LLGL2: variants seen among roughly 807,000 people sequenced by gnomAD.
LLGL2 encodes LLGL scribble cell polarity complex component 2.
LLGL2 carries 81 observed loss-of-function variants against 123.2 expected under a neutral mutation model. That is an observed-to-expected ratio of 0.66 (90% CI 0.55 to 0.79). The LOEUF is 0.79. Among genes scored for constraint, LLGL2 ranks in the 30% least tolerant of loss-of-function variants. The pLI, the probability that LLGL2 is intolerant of heterozygous loss-of-function variation, is 0.00. For missense variants in LLGL2, 1,273 were observed against 1,414.6 expected (o/e 0.90, Z 1.61); for synonymous variants, 577 against 594.1 (o/e 0.97, Z 0.42).
chr17:75,557,253 G>C (rs1411892186), intron 3 of LLGL2, among the ~76,000 whole-genome samples: 1 of 152,052 alleles, frequency 6.6e-6, no homozygotes, highest in Non-Finnish European at 1.5e-5. Context: ...TCCACAAGCA[G>C]AGATGGGGTG....
At chr17:75,570,657 TTC>T in intron 16 of LLGL2, 159 bp downstream of exon 16, 2 of 447,364 alleles carry the variant, frequency 4.5e-6, no homozygotes, top group Non-Finnish European at 5.9e-6. Context: ...GTCACGCTGC[TTC>T]TCTCTGCCTC....
Position 75,544,226 on chromosome 17 carries a change from A to T in LLGL2, c.75+725A>T, listed in dbSNP as rs948019427. 1.3e-5 allele frequency among the ~76,000 whole-genome samples: 2 copies of T among 152,130 alleles called. No individual in the cohort carries two copies. The highest frequency in any genetic ancestry group is 4.8e-5 in the African/African-American group (2 of 41,404). ...CAGTGTGGGGCCTTGTGAGGTAATG[A>T]TCTTCTCACCTCTGCTTTGCGCCTC... On this transcript the variant is annotated intron_variant, in intron 2 of 25. Coordinates refer to ENST00000392550, the MANE Select transcript of LLGL2 (RefSeq NM_001031803.2). This position sits in a 1 kb window ranked among gnomAD's most constrained non-coding sequence, Gnocchi z 4.2.
At chr17:75,568,729 G>A (rs370254590) in intron 11 of LLGL2, 36 bp downstream of exon 11, 87 of 1,612,468 alleles carry the variant, frequency 5.4e-5, no homozygotes, top group African/African-American at 6.7e-5. Context: ...CAGCCCCACC[G>A]CAAGCCAAAC....
chr17:75,574,765 A>G, intron 25 of LLGL2, 97 bp downstream of exon 25: 1 of 1,588,342 alleles, frequency 6.3e-7, no homozygotes, highest in South Asian at 1.1e-5. Flanking sequence ...CGGGGCTGAC[A>G]CGTGCCCTGA....
At position 75,549,218 on chromosome 17, in the gene LLGL2, A is replaced by G. The variant is rs1272854259; in HGVS notation, c.75+5717A>G. On this transcript the variant is annotated intron_variant, in intron 2 of 25. Coordinates refer to ENST00000392550, the MANE Select transcript of LLGL2 (RefSeq NM_001031803.2). This position sits in a 1 kb window ranked among gnomAD's most constrained non-coding sequence, Gnocchi z 4.0. ...GACAGACAGACAAGTCAGCTGCAGCACCAGGACAGGGCCACTGAGGACCAA... is the reference window on the plus strand; with the variant it reads ...GACAGACAGACAAGTCAGCTGCAGCGCCAGGACAGGGCCACTGAGGACCAA... 6.6e-6 allele frequency among the ~76,000 whole-genome samples: 1 copy of G among 152,168 alleles called. No homozygotes were observed. The highest frequency in any genetic ancestry group is 1.5e-5 in the Non-Finnish European group (1 of 68,024).
intron 2 of LLGL2, among the ~76,000 whole-genome samples, chr17:75,555,825 G>A (rs376911831): frequency 6.6e-6 from 1 of 152,320 alleles, no homozygotes; most frequent in East Asian, 1.9e-4. Context: ...GGGAAGATCA[G>A]CTCGCAGGGG....
intron 1 of LLGL2, among the ~76,000 whole-genome samples, chr17:75,539,643 C>T (rs1369028967): frequency 6.7e-6 from 1 of 150,044 alleles, no homozygotes; most frequent in African/African-American, 2.5e-5. Flanking sequence ...AATTTCACTC[C>T]GTCACCCAGA....
chr17:75,572,253 C>T lies in LLGL2; in HGVS notation c.2460+189C>T, dbSNP rs112307097. ...CACTGAGGCAGGACAGGGGGCCAGG[C>T]GCGGTGACTCATGCCTGTAATGCCA... is the stretch of plus-strand genomic sequence containing the variant. On this transcript the variant is annotated intron_variant, in intron 19 of 25. Coordinates refer to ENST00000392550, the MANE Select transcript of LLGL2 (RefSeq NM_001031803.2). Among the ~76,000 whole-genome samples, 415 of 152,168 alleles carry T rather than the reference C, an allele frequency of 2.7e-3. 3 individuals carry two copies. Among genetic ancestry groups the T allele is most frequent in the Middle Eastern group, 0.014 (4 of 294 alleles).
chr17:75,552,208 A>G (rs2054706990), intron 2 of LLGL2, among the ~76,000 whole-genome samples: 1 of 152,122 alleles, frequency 6.6e-6, no homozygotes, highest in South Asian at 2.1e-4. Context: ...CAGCTGGTCA[A>G]GGTGGCTCAT....
At position 75,573,558 on chromosome 17, in the gene LLGL2, G is replaced by T; in HGVS notation, c.2803G>T (p.Val935Leu). 6.2e-7 allele frequency: 1 copy of T among 1,612,892 alleles called. No homozygotes were observed. Among genetic ancestry groups the T allele is most frequent in the Non-Finnish European group, 8.5e-7 (1 of 1,179,918 alleles). The stretch of plus-strand genomic sequence containing the variant: ...GTGGCTGGTGGAGCCCCGGTGTCTG[G>T]TGGATTCAGCAGAAACCAAGAACCA... ...TKWLVEPRCL[V>L]DSAETKNHRP... The change falls in exon 21 of 26, where the codon GTG becomes TTG. Residue 935 changes from valine (V) to leucine (L), a missense_variant. Coordinates refer to ENST00000392550, the MANE Select transcript of LLGL2 (RefSeq NM_001031803.2).
chr17:75,566,929 C>T (rs993006706), intron 10 of LLGL2, among the ~76,000 whole-genome samples: 1 of 152,120 alleles, frequency 6.6e-6, no homozygotes, highest in Non-Finnish European at 1.5e-5. Flanking sequence ...GAGTCATCCA[C>T]GCAGAGATGT....
rs1453384734 is a variant in LLGL2 at position 75,525,831 on chromosome 17, A to C, written c.-31+6A>C. 1.3e-5 allele frequency: 2 copies of C among 151,084 alleles called. No homozygotes were observed. Among genetic ancestry groups the C allele is most frequent in the African/African-American group, 4.9e-5 (2 of 41,164 alleles). The allele number at this position is 151,084 out of a possible 1,614,324, so 9.4% of individuals were successfully genotyped here. A position where few individuals can be genotyped will look rare whatever the true frequency, so the allele number is the denominator to read the frequency against. ...GGGCTGGCCCGGGGTTCCAGGTGAG[A>C]TGCGTGCCGGACTCGCCCAGCCGGG... On this transcript the variant is annotated splice_donor_region_variant and intron_variant, in intron 1 of 25. Transcript: ENST00000392550. The surrounding 1 kb of genome is among the most constrained non-coding windows in gnomAD (Gnocchi z 4.8).
intron 6 of LLGL2, among the ~76,000 whole-genome samples, chr17:75,560,799 TATTAAAAAAAAAAAA>T (rs1392979616): frequency 1.6e-4 from 14 of 86,682 alleles, no homozygotes; most frequent in African/African-American, 5.4e-4. Context: ...TTTGTTTATT[TATTAAAAAAAAAAAA>T]AAAAAAAAAA....
chr17:75,555,688 A>T (rs1002297384), intron 2 of LLGL2, among the ~76,000 whole-genome samples: 1 of 151,926 alleles, frequency 6.6e-6, no homozygotes, highest in African/African-American at 2.4e-5. Context: ...AACTCCCCCT[A>T]CTTTCCCCAC....
intron 2 of LLGL2, among the ~76,000 whole-genome samples, chr17:75,552,308 G>T (rs965323231): frequency 1.3e-5 from 2 of 151,520 alleles, no homozygotes; most frequent in Admixed American, 6.6e-5. Context: ...AGCCAACTTG[G>T]TGAAACCCCG....
Position 75,573,059 on chromosome 17 carries a change from A to G in LLGL2, c.2506A>G (p.Thr836Ala). ...KVSAKLKLKLTALEGSRVRRV... is the reference protein window; with the variant it reads ...KVSAKLKLKLAALEGSRVRRV... Reference sequence around the variant, plus strand: ...GAGTGCCAAGCTGAAGTTGAAGCTGACGGCCCTGGAGGGCTCAAGAGTGCG... The same window carrying G: ...GAGTGCCAAGCTGAAGTTGAAGCTGGCGGCCCTGGAGGGCTCAAGAGTGCG... The change falls in exon 20 of 26, where the codon ACG (threonine) becomes GCG (alanine). Residue 836 changes from threonine to alanine, a missense_variant. Transcript: ENST00000392550. The G allele has an allele frequency of 6.2e-7, 1 of 1,612,460 alleles. No homozygotes were observed. Among genetic ancestry groups the G allele is most frequent in the Non-Finnish European group, 8.5e-7 (1 of 1,179,410 alleles).
intron 1 of LLGL2, 29 bp from the exon 2 acceptor site, chr17:75,543,368 G>T: frequency 6.6e-7 from 1 of 1,519,930 alleles, no homozygotes; most frequent in South Asian, 1.2e-5. Context: ...TGCCAGGACA[G>T]ACCCCTGCAG....
rs1386388393 is a variant in LLGL2, at chr17:75,570,489, C to T, written c.2016C>T (p.Pro672=). The T allele has an allele frequency of 1.9e-6, 3 of 1,573,766 alleles. No individual in the cohort carries two copies. In the East Asian group the frequency reaches 7.0e-5, roughly 37 times the overall value. ...VSSRKRHPAG[P]PGEAQEGSAK... is the part of the protein sequence containing the mutation. The stretch of plus-strand genomic sequence containing the variant: ...GCCGGAAGCGGCACCCGGCTGGCCC[C>T]CCAGGAGAGGTGAGGCCTGAGGTGA... The change falls in exon 16 of 26, where the codon CCC becomes CCT. Residue 672 remains proline (P), a synonymous_variant. Transcript: ENST00000392550.
chr17:75,545,902 G>A (rs759853911), intron 2 of LLGL2, among the ~76,000 whole-genome samples: 1 of 152,172 alleles, frequency 6.6e-6, no homozygotes, highest in Non-Finnish European at 1.5e-5. Context: ...ATTTGAGGCT[G>A]GCTGTGCTGC....
Sources: gnomAD v4.1 joint callset for allele counts (sites outside exome capture counted in the v4.1 genomes callset) on GRCh38, gnomAD v4.1.1 for gene constraint, Gnocchi (gnomAD v3.1) non-coding constraint, MANE v1.5 for transcripts, NCBI Gene and HGNC (gene_info 2026-07-23, HGNC 2026-07-21) for gene names.